Variants in NEMP2 observed in about 807,000 individuals in gnomAD.
NEMP2 encodes the protein nuclear envelope integral membrane protein 2.
In NEMP2, 53 loss-of-function variants were observed where a neutral mutation model predicts 54.2. That is an observed-to-expected ratio of 0.98 (90% CI 0.78 to 1.23). NEMP2 has a LOEUF of 1.23. Among genes scored for constraint, NEMP2 ranks in the 50% most tolerant of loss-of-function variants. The probability of loss-of-function intolerance (pLI) is 0.00; values close to 1 mark genes in which losing one functional copy is unlikely to be tolerated. For synonymous variants in NEMP2, 197 were observed against 190.3 expected, an observed-to-expected ratio of 1.04 and a Z score of -0.29; for missense variants, 455 against 511.3, an observed-to-expected ratio of 0.89 and a Z score of 1.06.
chr2:190,496,680 A>T, the NEMP2 span, among the ~76,000 whole-genome samples: 2 of 151,838 alleles, frequency 1.3e-5, no homozygotes, highest in African/African-American at 4.8e-5. This position sits in a 1 kb window ranked among gnomAD's most constrained non-coding sequence, Gnocchi z 4.7. Flanking sequence ...GTGTGTGTGT[A>T]TATACACACA....
At chr2:190,424,343 A>T in the NEMP2 span, among the ~76,000 whole-genome samples, 44 of 145,282 alleles carry the variant, frequency 3.0e-4, 1 homozygote, top group Middle Eastern at 6.8e-3. This position sits in a 1 kb window ranked among gnomAD's most constrained non-coding sequence, Gnocchi z 5.9. Context: ...TTATTTATTT[A>T]TTTTTTTTTC....
the NEMP2 span, among the ~76,000 whole-genome samples, chr2:190,472,036 G>A: frequency 6.6e-6 from 1 of 152,202 alleles, no homozygotes; most frequent in African/African-American, 2.4e-5. Flanking sequence ...GCTCCTGACT[G>A]TTAGAAGGAA....
the NEMP2 span, chr2:190,624,658 A>G: frequency 6.6e-6 from 1 of 152,228 alleles, no homozygotes; most frequent in Admixed American, 6.5e-5. Flanking sequence ...ATTTACAGCA[A>G]CTTGGATGGA....
At chr2:190,435,787 A>G in the NEMP2 span, 1 of 470,700 alleles carries the variant, frequency 2.1e-6, no homozygotes, top group African/African-American at 1.9e-5. Context: ...GTGGCCATAA[A>G]GAGTATTCGA....
At chr2:190,458,223 C>A in the NEMP2 span, among the ~76,000 whole-genome samples, 1 of 151,912 alleles carries the variant, frequency 6.6e-6, no homozygotes, top group Non-Finnish European at 1.5e-5. This position sits in a 1 kb window ranked among gnomAD's most constrained non-coding sequence, Gnocchi z 5.3. Context: ...GAGGTCCTAA[C>A]CCACAGTACC....
At chr2:190,466,258 A>G in the NEMP2 span, among the ~76,000 whole-genome samples, 1 of 152,240 alleles carries the variant, frequency 6.6e-6, no homozygotes, top group Admixed American at 6.5e-5. Context: ...TTAAGACTTC[A>G]GCACATGAAC....
In NEMP2 at chr2:190,534,545, C is replaced by G; in HGVS notation, c.97+14G>C. On this transcript the variant is annotated intron_variant, in intron 1 of 8. Coordinates refer to ENST00000409150, the MANE Select transcript of NEMP2 (RefSeq NM_001142645.2). ...GCACGCACGCGCGCGCCGCCGCCGC[C>G]GGTCCCGGGTTACCTGATAACGCTG... is the stretch of plus-strand genomic sequence containing the variant. 2 of 1,392,220 alleles carry G rather than the reference C, an allele frequency of 1.4e-6. No homozygotes were observed. Among genetic ancestry groups the G allele is most frequent in the South Asian group, 1.6e-5 (1 of 63,276 alleles). 86.2% of individuals were successfully genotyped at this position (1,392,220 alleles called of 1,614,324 possible). A position where few individuals can be genotyped will look rare whatever the true frequency, so the allele number is the denominator to read the frequency against.
At chr2:190,612,137 G>T in the NEMP2 span, among the ~76,000 whole-genome samples, 1 of 147,066 alleles carries the variant, frequency 6.8e-6, no homozygotes, top group East Asian at 2.0e-4. Context: ...TTTCTGACTT[G>T]TCCTAAACAT....
chr2:190,519,073 A>G lies in NEMP2; in HGVS notation c.324T>C (p.Phe108=), dbSNP rs1454410957. The G allele has an allele frequency of 3.2e-6, 5 of 1,551,080 alleles. No individual in the cohort carries two copies. Among genetic ancestry groups the G allele is most frequent in the Non-Finnish European group, 4.4e-6 (5 of 1,146,786 alleles). The change falls in exon 3 of 9, where the codon TTT becomes TTC. Residue 108 remains phenylalanine (F), a synonymous_variant. Transcript: ENST00000409150. This position sits in a 1 kb window ranked among gnomAD's most constrained non-coding sequence, Gnocchi z 5.4. ...TTTCGTTAGATTCCTTTGGTATCCA[A>G]AAGTTATGAATCACACATTTGATAA... ...LSFIKCVIHN[F]WIPKESNEIT... is the part of the protein sequence containing the mutation.
At chr2:190,430,207 C>G in the NEMP2 span, among the ~76,000 whole-genome samples, 1 of 132,112 alleles carries the variant, frequency 7.6e-6, no homozygotes, top group Admixed American at 7.7e-5. Flanking sequence ...AGTCCTCATT[C>G]TTTTTTTTTT....
At chr2:190,481,103 G>T in the NEMP2 span, among the ~76,000 whole-genome samples, 1 of 152,204 alleles carries the variant, frequency 6.6e-6, no homozygotes, top group Non-Finnish European at 1.5e-5. Context: ...GTTCTCATGT[G>T]TGGCTTCAGG....
At position 190,508,909 on chromosome 2, in the gene NEMP2, C is replaced by T. The variant is rs749350704; in HGVS notation, c.*280G>A. 4 of 404,116 alleles carry T rather than the reference C, an allele frequency of 9.9e-6. No homozygotes were observed. The highest frequency in any genetic ancestry group is 2.0e-5 in the African/African-American group (1 of 49,484). The allele number at this position is 404,116 out of a possible 1,614,324, so 25.0% of individuals were successfully genotyped here. A position where few individuals can be genotyped will look rare whatever the true frequency, so the allele number is the denominator to read the frequency against. ...ATGCTTACTAGCCCCTTAAGAACAACGCCATTCCCCTGTTCCTAATGAAAG... is the reference window on the plus strand; with the variant it reads ...ATGCTTACTAGCCCCTTAAGAACAATGCCATTCCCCTGTTCCTAATGAAAG... On this transcript the variant is annotated 3_prime_UTR_variant, in exon 9 of 9. Transcript: ENST00000409150. This position sits in a 1 kb window ranked among gnomAD's most constrained non-coding sequence, Gnocchi z 4.3.
At chr2:190,589,165 T>C in the NEMP2 span, among the ~76,000 whole-genome samples, 3 of 152,176 alleles carry the variant, frequency 2.0e-5, no homozygotes, top group Admixed American at 6.5e-5. This position sits in a 1 kb window ranked among gnomAD's most constrained non-coding sequence, Gnocchi z 4.3. Context: ...CTGATGATTT[T>C]GTTGACTGGA....
chr2:190,458,052 C>T, the NEMP2 span, among the ~76,000 whole-genome samples: 4 of 152,294 alleles, frequency 2.6e-5, no homozygotes, highest in South Asian at 8.3e-4. The surrounding 1 kb of genome is among the most constrained non-coding windows in gnomAD (Gnocchi z 5.3). Flanking sequence ...CCCGAGGAAG[C>T]TGCCAGCGGT....
chr2:190,509,246 C>A lies in NEMP2; in HGVS notation c.1197G>T (p.Gln399His). 2.6e-6 allele frequency: 4 copies of A among 1,551,752 alleles called. No individual in the cohort carries two copies. The highest frequency in any genetic ancestry group is 3.5e-6 in the Non-Finnish European group (4 of 1,147,016). Residue 399 changes from glutamine (Q) to histidine (H), a missense_variant, in exon 9 of 9, where the codon CAG becomes CAT. Around this residue, in one of 3 missense-constraint regions of NEMP2, gnomAD observed 294 missense variants for 333.6 expected, o/e 0.88. Transcript: ENST00000409150. This position sits in a 1 kb window ranked among gnomAD's most constrained non-coding sequence, Gnocchi z 6.1. Reference sequence around the variant, plus strand: ...CCAAGAAGGCACCCCCAAGGCCATACTGCTCTTCATGCAGACTGATTTCTT... The same window carrying A: ...CCAAGAAGGCACCCCCAAGGCCATAATGCTCTTCATGCAGACTGATTTCTT... ...SPEEISLHEE[Q>H]YGLGGAFLEE...
the NEMP2 span, among the ~76,000 whole-genome samples, chr2:190,623,477 C>A: frequency 6.6e-6 from 1 of 152,084 alleles, no homozygotes; most frequent in African/African-American, 2.4e-5. Flanking sequence ...ACACACTGAC[C>A]AATGGCACAG....
At chr2:190,578,431 G>A in the NEMP2 span, among the ~76,000 whole-genome samples, 2 of 152,182 alleles carry the variant, frequency 1.3e-5, no homozygotes, top group Non-Finnish European at 2.9e-5. The surrounding 1 kb of genome is among the most constrained non-coding windows in gnomAD (Gnocchi z 4.4). Flanking sequence ...GATTACAAAT[G>A]TGCAGAACAA....
the NEMP2 span, among the ~76,000 whole-genome samples, chr2:190,487,729 A>T: frequency 2.0e-5 from 3 of 152,208 alleles, no homozygotes; most frequent in Non-Finnish European, 4.4e-5. This position sits in a 1 kb window ranked among gnomAD's most constrained non-coding sequence, Gnocchi z 5.5. Context: ...TTGCTATTTT[A>T]AAAAGATATA....
the NEMP2 span, among the ~76,000 whole-genome samples, chr2:190,447,973 G>A: frequency 6.6e-6 from 1 of 152,154 alleles, no homozygotes; most frequent in Non-Finnish European, 1.5e-5. This position sits in a 1 kb window ranked among gnomAD's most constrained non-coding sequence, Gnocchi z 4.5. Context: ...AAAGGCCATT[G>A]TTGCAAAGTG....
Sources: allele counts gnomAD v4.1 joint callset (sites outside exome capture counted in the v4.1 genomes callset), GRCh38; gene constraint gnomAD v4.1.1; regional missense constraint gnomAD v4.1.1; non-coding constraint Gnocchi (gnomAD v3.1); transcripts MANE v1.5; gene names NCBI Gene and HGNC (gene_info 2026-07-23, HGNC 2026-07-21).